Variants in ZYG11B observed in about 807,000 individuals in gnomAD.
The protein encoded by ZYG11B is zyg-11 family member B, cell cycle regulator.
In ZYG11B, 36 loss-of-function variants were observed where a neutral mutation model predicts 82.4. The observed-to-expected ratio is 0.44, with a 90% CI of 0.33 to 0.58. The LOEUF (loss-of-function observed/expected upper bound fraction) is 0.58, where lower values mean the gene tolerates loss of function less well. ZYG11B is among the 20% of genes least tolerant of loss of function. ZYG11B has a pLI of 0.02. For missense variants in ZYG11B, 552 were observed against 895.6 expected (o/e 0.62, Z 4.90); for synonymous variants, 303 against 312.8 (o/e 0.97, Z 0.33).
chr1:52,772,094 T>G, intron 3 of ZYG11B: 1 of 820,218 alleles, frequency 1.2e-6, no homozygotes, highest in Non-Finnish European at 2.1e-6. Context: ...GATGATAATG[T>G]TTAGCTATTT....
chr1:52,750,183 C>T lies in ZYG11B; in HGVS notation c.31-6275C>T, dbSNP rs531073477. Among the ~76,000 whole-genome samples the T allele has an allele frequency of 1.2e-4, 18 of 152,066 alleles. 1 individual carries two copies. The highest frequency in any genetic ancestry group is 2.2e-4 in the Non-Finnish European group (15 of 68,018). On this transcript the variant is annotated intron_variant, in intron 1 of 13. Transcript: ENST00000294353. ...CACAATGTTGGCTCACTGCAACCTCCGCCTCCGGGGTTCAGGCGATTCTCC... is the reference window on the plus strand; with the variant it reads ...CACAATGTTGGCTCACTGCAACCTCTGCCTCCGGGGTTCAGGCGATTCTCC...
At chr1:52,788,094 G>A (rs1644928692) in intron 5 of ZYG11B, among the ~76,000 whole-genome samples, 1 of 152,126 alleles carries the variant, frequency 6.6e-6, no homozygotes, top group Non-Finnish European at 1.5e-5. Flanking sequence ...ATTCCAGGAA[G>A]GGCAGGTTGC....
intron 4 of ZYG11B, 50 bp downstream of exon 4, chr1:52,780,043 A>G: frequency 6.5e-7 from 1 of 1,543,298 alleles, no homozygotes; most frequent in Non-Finnish European, 8.7e-7. Context: ...CTCCCTGGGC[A>G]GATGATTTTT....
intron 1 of ZYG11B, among the ~76,000 whole-genome samples, chr1:52,743,644 G>A (rs1644452894): frequency 6.6e-6 from 1 of 152,012 alleles, no homozygotes; most frequent in South Asian, 2.1e-4. Flanking sequence ...TTGATTCCAG[G>A]AAATTGAGAC....
intron 1 of ZYG11B, among the ~76,000 whole-genome samples, chr1:52,728,535 G>T (rs1414164925): frequency 6.6e-6 from 1 of 152,212 alleles, no homozygotes; most frequent in Non-Finnish European, 1.5e-5. Flanking sequence ...TAGAATTACA[G>T]GCATGAGCCA....
intron 4 of ZYG11B, among the ~76,000 whole-genome samples, chr1:52,783,388 A>G (rs1644873187): frequency 6.6e-6 from 1 of 152,132 alleles, no homozygotes; most frequent in Non-Finnish European, 1.5e-5. Context: ...CAGAATAAAA[A>G]ATTGATATAG....
At chr1:52,801,077 G>A (rs554760) in intron 8 of ZYG11B, among the ~76,000 whole-genome samples, 90,045 of 151,864 alleles carry the variant, frequency 0.59, 29,434 homozygotes, top group East Asian at 0.97. Context: ...GAACTAATTT[G>A]CACCTGGAAT....
chr1:52,799,902 TC>T (rs1354822167), intron 8 of ZYG11B, among the ~76,000 whole-genome samples: 1 of 152,214 alleles, frequency 6.6e-6, no homozygotes, highest in Admixed American at 6.5e-5. Context: ...GGATTTATTT[TC>T]AGTTATGTCT....
chr1:52,771,088 C>T lies in ZYG11B; in HGVS notation c.265C>T (p.Arg89Cys), dbSNP rs536061797. Residue 89 changes from arginine (R) to cysteine (C), a missense_variant, in exon 3 of 14, where the codon CGC becomes TGC. Arg to Cys is a radical substitution (Grantham distance 180). This residue lies in a region of ZYG11B where 359 missense variants were observed against 555.8 expected (regional missense o/e 0.65). Coordinates refer to ENST00000294353, the MANE Select transcript of ZYG11B (RefSeq NM_024646.3). The surrounding 1 kb of genome is among the most constrained non-coding windows in gnomAD (Gnocchi z 5.4). ...NQMRLKRACI[R>C]KAKISAVAFR... ...GATGCGCTTAAAGCGAGCCTGCATT[C>T]GCAAAGCAAAGATCTCTGCTGTTGC... is the stretch of plus-strand genomic sequence containing the variant. The T allele has an allele frequency of 9.9e-6, 16 of 1,614,160 alleles. No individual in the cohort carries two copies. Among genetic ancestry groups the T allele is most frequent in the Non-Finnish European group, 1.2e-5 (14 of 1,180,038 alleles).
intron 1 of ZYG11B, among the ~76,000 whole-genome samples, chr1:52,747,350 G>A (rs1644485833): frequency 1.3e-5 from 2 of 150,126 alleles, no homozygotes; most frequent in Admixed American, 6.7e-5. Flanking sequence ...CTAATCCATA[G>A]CATCATCACC....
intron 1 of ZYG11B, among the ~76,000 whole-genome samples, chr1:52,743,604 T>G (rs1644452653): frequency 6.6e-6 from 1 of 151,974 alleles, no homozygotes; most frequent in Non-Finnish European, 1.5e-5. Context: ...GTCCCACGTA[T>G]TATTCCAAAG....
chr1:52,796,492 C>T lies in ZYG11B; in HGVS notation c.1434+101C>T, dbSNP rs564883470. The T allele has an allele frequency of 9.9e-5, 103 of 1,040,240 alleles. 1 individual carries two copies. In the South Asian group the frequency reaches 1.5e-3, roughly 15 times the overall value. 64.4% of individuals were successfully genotyped at this position (1,040,240 alleles called of 1,614,324 possible). A position where few individuals can be genotyped will look rare whatever the true frequency, so the allele number is the denominator to read the frequency against. ...GTGTGCCAGAAACATTAGTAAATCTCTCTGCCAGCCTGCTTATTCAAGCTA... is the reference window on the plus strand; with the variant it reads ...GTGTGCCAGAAACATTAGTAAATCTTTCTGCCAGCCTGCTTATTCAAGCTA... On this transcript the variant is annotated intron_variant, in intron 7 of 13. Transcript: ENST00000294353.
chr1:52,764,715 G>C (rs946005659), intron 2 of ZYG11B, among the ~76,000 whole-genome samples: 2 of 152,108 alleles, frequency 1.3e-5, no homozygotes, highest in Non-Finnish European at 2.9e-5. Context: ...GCTTGTGCCA[G>C]GTTCTCTGAG....
chr1:52,749,618 T>G (rs1312733197), intron 1 of ZYG11B, among the ~76,000 whole-genome samples: 1 of 152,216 alleles, frequency 6.6e-6, no homozygotes, highest in Admixed American at 6.5e-5. Context: ...TTTTTATTTT[T>G]TTGAGATGGA....
At chr1:52,782,390 A>AT (rs968711044) in intron 4 of ZYG11B, among the ~76,000 whole-genome samples, 5 of 148,600 alleles carry the variant, frequency 3.4e-5, no homozygotes, top group African/African-American at 1.2e-4. Context: ...CTTTTATTTT[A>AT]TTTTTTTAAA....
At chr1:52,744,544 C>T (rs991434626) in intron 1 of ZYG11B, among the ~76,000 whole-genome samples, 2 of 152,132 alleles carry the variant, frequency 1.3e-5, no homozygotes, top group African/African-American at 4.8e-5. Context: ...TTCTTAACTA[C>T]GATATTTCTA....
chr1:52,750,849 A>G (rs543814675), intron 1 of ZYG11B, among the ~76,000 whole-genome samples: 3 of 152,270 alleles, frequency 2.0e-5, no homozygotes, highest in East Asian at 3.9e-4. Context: ...AACAGTTCAT[A>G]CAAATGGGAT....
intron 13 of ZYG11B, among the ~76,000 whole-genome samples, chr1:52,820,475 C>T (rs912040465): frequency 2.0e-5 from 3 of 151,564 alleles, no homozygotes; most frequent in Non-Finnish European, 4.4e-5. Flanking sequence ...GGTAAAACCC[C>T]ACCTCTACCA....
chr1:52,804,344 G>A (rs1299501576), intron 10 of ZYG11B, among the ~76,000 whole-genome samples: 2 of 152,170 alleles, frequency 1.3e-5, no homozygotes, highest in Non-Finnish European at 2.9e-5. Context: ...CGAGTATAGT[G>A]GCTCAAGCCT....
Sources: gnomAD v4.1 joint callset for allele counts (sites outside exome capture counted in the v4.1 genomes callset) on GRCh38, gnomAD v4.1.1 for gene constraint, gnomAD v4.1.1 regional missense constraint, Gnocchi (gnomAD v3.1) non-coding constraint, MANE v1.5 for transcripts, NCBI Gene and HGNC (gene_info 2026-07-23, HGNC 2026-07-21) for gene names.